Variants in CHCHD6 observed in about 807,000 individuals in gnomAD.
CHCHD6 encodes the protein MICOS complex subunit MIC25.
CHCHD6 carries 28 observed loss-of-function variants against 32.3 expected under a neutral mutation model. The observed-to-expected ratio is 0.87, with a 90% CI of 0.64 to 1.19. CHCHD6 has a LOEUF of 1.19. Among genes scored for constraint, CHCHD6 ranks in the 50% most tolerant of loss-of-function variants. The pLI, the probability that CHCHD6 is intolerant of heterozygous loss-of-function variation, is 0.00. For synonymous variants in CHCHD6, 122 were observed against 117.5 expected (o/e 1.04, Z -0.25); for missense variants, 333 against 307.0 (o/e 1.08, Z -0.63).
chr3:126,945,764 G>A (rs1405786676), intron 6 of CHCHD6, among the ~76,000 whole-genome samples: 1 of 149,926 alleles, frequency 6.7e-6, no homozygotes, highest in East Asian at 2.0e-4. Context: ...TGAGTGGGGA[G>A]ACTCGAGCGG....
At chr3:126,723,416 A>G (rs1264760523) in intron 1 of CHCHD6, among the ~76,000 whole-genome samples, 2 of 152,136 alleles carry the variant, frequency 1.3e-5, no homozygotes, top group African/African-American at 4.8e-5. Flanking sequence ...AGATCTGTAT[A>G]TGTGTCTTAT....
intron 7 of CHCHD6, among the ~76,000 whole-genome samples, chr3:126,958,528 G>A (rs1455182549): frequency 1.3e-5 from 2 of 152,168 alleles, no homozygotes; most frequent in African/African-American, 2.4e-5. Context: ...TGAACTGAGC[G>A]GGGTCCTGCA....
chr3:126,952,512 C>G (rs2078729387), intron 6 of CHCHD6, among the ~76,000 whole-genome samples: 1 of 152,048 alleles, frequency 6.6e-6, no homozygotes, highest in Non-Finnish European at 1.5e-5. Context: ...CAGGGTCCAG[C>G]AGAAGAGAAC....
chr3:126,924,131 C>T (rs1431617838), intron 6 of CHCHD6, among the ~76,000 whole-genome samples: 2 of 152,128 alleles, frequency 1.3e-5, no homozygotes, highest in Admixed American at 6.5e-5. Context: ...CTACGGTGTG[C>T]GCCGTGCATG....
At chr3:126,938,830 A>G (rs1220680559) in intron 6 of CHCHD6, among the ~76,000 whole-genome samples, 1 of 152,124 alleles carries the variant, frequency 6.6e-6, no homozygotes, top group African/African-American at 2.4e-5. Flanking sequence ...GGAGGCCACC[A>G]CTGCTGAGAA....
intron 5 of CHCHD6, among the ~76,000 whole-genome samples, chr3:126,854,546 G>C (rs1941591315): frequency 6.6e-6 from 1 of 152,160 alleles, no homozygotes; most frequent in African/African-American, 2.4e-5. Context: ...CTGGGAAGAT[G>C]GAAAACACAG....
chr3:126,761,798 G>A (rs551919123), intron 4 of CHCHD6, among the ~76,000 whole-genome samples: 1 of 152,266 alleles, frequency 6.6e-6, no homozygotes, highest in African/African-American at 2.4e-5. Flanking sequence ...TTTCCTTGTT[G>A]GGAGGTTTTT....
chr3:126,785,306 C>T (rs1158309894), intron 4 of CHCHD6, among the ~76,000 whole-genome samples: 2 of 152,210 alleles, frequency 1.3e-5, no homozygotes, highest in Non-Finnish European at 2.9e-5. Context: ...CCGTGGGCAG[C>T]AAAGTCACCC....
chr3:126,732,377 T>G (rs1284385975), intron 3 of CHCHD6, among the ~76,000 whole-genome samples: 1 of 152,222 alleles, frequency 6.6e-6, no homozygotes, highest in African/African-American at 2.4e-5. Context: ...TAATGATTTG[T>G]CATTAGTTGC....
intron 4 of CHCHD6, among the ~76,000 whole-genome samples, chr3:126,817,852 C>G (rs544991609): frequency 6.7e-6 from 1 of 149,418 alleles, no homozygotes; most frequent in South Asian, 2.1e-4. Flanking sequence ...CTTACCCCTT[C>G]TTCTTCCCCA....
chr3:126,946,660 C>T (rs1031234284), intron 6 of CHCHD6, among the ~76,000 whole-genome samples: 6 of 152,174 alleles, frequency 3.9e-5, no homozygotes, highest in Admixed American at 1.3e-4. Context: ...AGTGGCACAT[C>T]GTCAATAGCA....
intron 3 of CHCHD6, 71 bp downstream of exon 3, chr3:126,730,701 C>T: frequency 1.6e-6 from 2 of 1,287,628 alleles, no homozygotes; most frequent in Admixed American, 3.7e-5. Context: ...CTGGGTACCC[C>T]TCTCCTTGCC....
chr3:126,912,313 T>C (rs970241669), intron 5 of CHCHD6, among the ~76,000 whole-genome samples: 2 of 152,164 alleles, frequency 1.3e-5, no homozygotes, highest in African/African-American at 4.8e-5. Context: ...AAAGTTGTTA[T>C]GTCTCTGTCC....
intron 6 of CHCHD6, among the ~76,000 whole-genome samples, chr3:126,932,085 A>G (rs1409552540): frequency 2.0e-5 from 3 of 152,324 alleles, no homozygotes; most frequent in South Asian, 4.1e-4. Flanking sequence ...TGTTTATCTA[A>G]GAGCACGGAG....
intron 6 of CHCHD6, among the ~76,000 whole-genome samples, chr3:126,931,330 G>T (rs926336465): frequency 6.6e-6 from 1 of 152,224 alleles, no homozygotes; most frequent in East Asian, 1.9e-4. Flanking sequence ...GGTGGAATTC[G>T]CAGCAGGCCT....
chr3:126,751,020 C>T (rs567709443), intron 4 of CHCHD6, among the ~76,000 whole-genome samples: 8 of 152,154 alleles, frequency 5.3e-5, no homozygotes, highest in Non-Finnish European at 8.8e-5. Flanking sequence ...GGGAGAGGAA[C>T]GGTGGTCTAA....
chr3:126,870,793 C>T (rs2077457229), intron 5 of CHCHD6, among the ~76,000 whole-genome samples: 1 of 152,208 alleles, frequency 6.6e-6, no homozygotes, highest in African/African-American at 2.4e-5. Context: ...TCTTCAGCAG[C>T]CTGGACCGGG....
chr3:126,778,271 G>A (rs920941704), intron 4 of CHCHD6, among the ~76,000 whole-genome samples: 3 of 152,142 alleles, frequency 2.0e-5, no homozygotes, highest in Non-Finnish European at 2.9e-5. Flanking sequence ...TTTTATTCCT[G>A]TTGGTTATAT....
chr3:126,942,531 G>A (rs116618418), intron 6 of CHCHD6, among the ~76,000 whole-genome samples: 1,815 of 152,128 alleles, frequency 0.012, 20 homozygotes, highest in Middle Eastern at 0.048. Context: ...TTATTCATTG[G>A]GCTATAATCT....
Sources: gnomAD v4.1 joint callset for allele counts (sites outside exome capture counted in the v4.1 genomes callset) on GRCh38, gnomAD v4.1.1 for gene constraint, MANE v1.5 for transcripts, NCBI Gene and HGNC (gene_info 2026-07-23, HGNC 2026-07-21) for gene names.